SNX27: variants seen among roughly 807,000 people sequenced by gnomAD.
SNX27 encodes the protein sorting nexin 27.
Under a neutral mutation model 71.6 loss-of-function variants are expected in SNX27, and 22 were observed. The ratio of observed to expected loss-of-function variants is 0.31; its 90% confidence interval spans 0.22 to 0.44. The LOEUF is 0.44. SNX27 is among the 20% of genes least tolerant of loss of function. The pLI is 1.00. For missense variants in SNX27, 531 were observed against 698.6 expected (o/e 0.76, Z 2.70); for synonymous variants, 269 against 277.2 (o/e 0.97, Z 0.29).
intron 7 of SNX27, among the ~76,000 whole-genome samples, chr1:151,674,116 C>T (rs531295205): frequency 6.6e-6 from 1 of 151,820 alleles, no homozygotes; most frequent in South Asian, 2.1e-4. Context: ...TCATCTTTTC[C>T]TTCTTTCCTT....
Position 151,692,517 on chromosome 1 carries a change from A to G in SNX27, c.1322A>G (p.His441Arg), listed in dbSNP as rs1026271701. The G allele has an allele frequency of 6.3e-7, 1 of 1,586,290 alleles. No individual in the cohort carries two copies. Among genetic ancestry groups the G allele is most frequent in the Admixed American group, 1.7e-5 (1 of 57,540 alleles). Reference sequence around the variant, plus strand: ...GCCTGTGACTCCAGGAGGAAGGGGCACGTTATCACAGCCATCAGCATCACG... The same window carrying G: ...GCCTGTGACTCCAGGAGGAAGGGGCGCGTTATCACAGCCATCAGCATCACG... ...HCACDSRRKG[H>R]VITAISITHF... is the part of the protein sequence containing the mutation. Residue 441 changes from histidine (H) to arginine (R), a missense_variant, in exon 9 of 12, where the codon CAC (histidine) becomes CGC (arginine). His to Arg is a conservative substitution (Grantham distance 29, BLOSUM62 0). This residue lies in a region of SNX27 where 157 missense variants were observed against 178.4 expected (regional missense o/e 0.88). Coordinates refer to ENST00000458013, the MANE Select transcript of SNX27 (RefSeq NM_001330723.2).
In SNX27 at chr1:151,612,597, C is replaced by T. The variant is rs1465220023; in HGVS notation, c.311+85C>T. ...CTCGCTACCCTTGTCACCCCCAGGC[C>T]GCACCTCCCCCGAGCTCCGAGCCGG... On this transcript the variant is annotated intron_variant, in intron 1 of 11. Transcript: ENST00000458013. The surrounding 1 kb of genome is among the most constrained non-coding windows in gnomAD (Gnocchi z 5.2). The T allele has an allele frequency of 1.9e-6, 2 of 1,066,850 alleles. No individual in the cohort carries two copies. The highest frequency in any genetic ancestry group is 4.3e-5 in the Admixed American group (1 of 23,436). 66.1% of individuals were successfully genotyped at this position (1,066,850 alleles called of 1,614,324 possible).
rs930454772 is a variant in SNX27 at position 151,612,944 on chromosome 1, C to T, written c.311+432C>T. On this transcript the variant is annotated intron_variant, in intron 1 of 11. Coordinates refer to ENST00000458013, the MANE Select transcript of SNX27 (RefSeq NM_001330723.2). This position sits in a 1 kb window ranked among gnomAD's most constrained non-coding sequence, Gnocchi z 5.2. ...GTCCCCCCCAAGTTCTCATCTTCAGCATCGCAGTTTCGTTCTCCACCACTC... is the reference window on the plus strand; with the variant it reads ...GTCCCCCCCAAGTTCTCATCTTCAGTATCGCAGTTTCGTTCTCCACCACTC... 5.3e-5 allele frequency among the ~76,000 whole-genome samples: 8 copies of T among 152,002 alleles called. No individual in the cohort carries two copies. The highest frequency in any genetic ancestry group is 1.2e-4 in the Non-Finnish European group (8 of 68,018).
chr1:151,686,564 T>C (rs1186305878), intron 8 of SNX27, among the ~76,000 whole-genome samples: 1 of 152,248 alleles, frequency 6.6e-6, no homozygotes, highest in Non-Finnish European at 1.5e-5. Flanking sequence ...CCACATGATA[T>C]GATAGTCAGA....
At chr1:151,654,375 G>T (rs1022647244) in intron 2 of SNX27, among the ~76,000 whole-genome samples, 3 of 151,954 alleles carry the variant, frequency 2.0e-5, no homozygotes, top group Non-Finnish European at 4.4e-5. Flanking sequence ...AGCCAAACTC[G>T]GCCTTGTATC....
At chr1:151,625,908 A>G (rs1374649845) in intron 1 of SNX27, among the ~76,000 whole-genome samples, 2 of 151,968 alleles carry the variant, frequency 1.3e-5, no homozygotes, top group Non-Finnish European at 2.9e-5. Context: ...AGATCAGGCC[A>G]CTGCATTCCA....
rs138807566 is a variant in SNX27 at position 151,638,163 on chromosome 1, A to T, written c.312-725A>T. On this transcript the variant is annotated intron_variant, in intron 1 of 11. Coordinates refer to ENST00000458013, the MANE Select transcript of SNX27 (RefSeq NM_001330723.2). ...AAATTAGTAGGCTGACCATATAATT[A>T]TAGGTGTATATTTTTTAGTTTGGAC... Among the ~76,000 whole-genome samples, 76 of 152,364 alleles carry T rather than the reference A, an allele frequency of 5.0e-4. No homozygotes were observed. In the Middle Eastern group the frequency reaches 0.01, roughly 20 times the overall value.
In SNX27 at chr1:151,683,331, T is replaced by C. The variant is rs960945463; in HGVS notation, c.1150-25T>C. ...TAATAATGATTTTTACACTCCTTTCTGCTCTACTTCTGTTTTGGTGATAGG... is the reference window on the plus strand; with the variant it reads ...TAATAATGATTTTTACACTCCTTTCCGCTCTACTTCTGTTTTGGTGATAGG... On this transcript the variant is annotated intron_variant, in intron 7 of 11. Coordinates refer to ENST00000458013, the MANE Select transcript of SNX27 (RefSeq NM_001330723.2). 7.0e-6 allele frequency: 11 copies of C among 1,577,080 alleles called. No homozygotes were observed. In the African/African-American group the frequency reaches 1.2e-4, roughly 18 times the overall value.
At chr1:151,681,233 A>ATTTTTTTTTT (rs1558071789) in intron 7 of SNX27, among the ~76,000 whole-genome samples, 1 of 87,374 alleles carries the variant, frequency 1.1e-5, no homozygotes, top group Non-Finnish European at 2.2e-5. Flanking sequence ...TAGTCTCTCA[A>ATTTTTTTTTT]TCTTTTTTTT....
chr1:151,642,931 C>T (rs962843843), intron 2 of SNX27, among the ~76,000 whole-genome samples: 22 of 151,888 alleles, frequency 1.4e-4, no homozygotes, highest in African/African-American at 3.4e-4. Context: ...TGAGCCACCG[C>T]GCCCTGCCTA....
At chr1:151,622,913 C>T (rs2102601049) in intron 1 of SNX27, among the ~76,000 whole-genome samples, 1 of 152,080 alleles carries the variant, frequency 6.6e-6, no homozygotes, top group East Asian at 1.9e-4. Flanking sequence ...CTCAGCCTCC[C>T]AAGTAGCTGG....
intron 2 of SNX27, among the ~76,000 whole-genome samples, chr1:151,645,595 A>AT (rs1428121177): frequency 6.6e-6 from 1 of 152,208 alleles, no homozygotes; most frequent in African/African-American, 2.4e-5. Context: ...TCTGAGATAC[A>AT]TGTGGTGTTT....
In SNX27 at chr1:151,692,998, G is replaced by A; in HGVS notation, c.1477G>A (p.Gly493Arg). 1 of 1,614,190 alleles carries A rather than the reference G, an allele frequency of 6.2e-7. No individual in the cohort carries two copies. The highest frequency in any genetic ancestry group is 8.5e-7 in the Non-Finnish European group (1 of 1,180,026). Residue 493 changes from glycine to arginine, a missense_variant, in exon 10 of 12, where the codon GGA becomes AGA. This residue lies in a region of SNX27 where 157 missense variants were observed against 178.4 expected (regional missense o/e 0.88). Coordinates refer to ENST00000458013, the MANE Select transcript of SNX27 (RefSeq NM_001330723.2). ...GGCCTTCTGTTTCGAATATGCACGA[G>A]GAGAGAAGAAGCCCCGATGGGTTAA... ...GMAFCFEYAR[G>R]EKKPRWVKIF...
chr1:151,681,644 T>C (rs1220880456), intron 7 of SNX27, among the ~76,000 whole-genome samples: 2 of 152,196 alleles, frequency 1.3e-5, no homozygotes, highest in Admixed American at 1.3e-4. Context: ...TTGATCTTCC[T>C]TATTTCATTC....
intron 1 of SNX27, among the ~76,000 whole-genome samples, chr1:151,633,217 A>G (rs1163720848): frequency 2.0e-5 from 3 of 152,184 alleles, no homozygotes; most frequent in Non-Finnish European, 4.4e-5. Flanking sequence ...AAATGCACAC[A>G]TATGAAGCAT....
At chr1:151,654,132 A>G (rs1669567862) in intron 2 of SNX27, among the ~76,000 whole-genome samples, 1 of 151,910 alleles carries the variant, frequency 6.6e-6, no homozygotes, top group Non-Finnish European at 1.5e-5. Context: ...TGCCCGGCCG[A>G]CCCTGGAGGG....
chr1:151,670,272 A>C (rs745672700), intron 7 of SNX27, among the ~76,000 whole-genome samples: 3 of 152,218 alleles, frequency 2.0e-5, no homozygotes, highest in Non-Finnish European at 4.4e-5. Flanking sequence ...TGTAAGTACC[A>C]CATTTTCTTT....
Position 151,658,367 on chromosome 1 carries a change from T to A in SNX27, c.676T>A (p.Ser226Thr), listed in dbSNP as rs748735835. The A allele has an allele frequency of 8.7e-6, 14 of 1,614,022 alleles. No individual in the cohort carries two copies. The African/African-American group carries it at 1.6e-4, about 18-fold the overall frequency. The change falls in exon 3 of 12, where the codon TCA becomes ACA. Residue 226 changes from serine (S) to threonine (T), a missense_variant. By Grantham distance (58) the Ser-to-Thr change is moderately conservative (BLOSUM62 1). Around this residue, in one of 5 missense-constraint regions of SNX27, gnomAD observed 184 missense variants for 289.6 expected, o/e 0.64. Transcript: ENST00000458013. ...TCGACTCCCAGGGAAGTGGCCATTT[T>A]CATTATCAGAACAACAATTAGATGC... ...FPRLPGKWPF[S>T]LSEQQLDARR...
chr1:151,669,661 C>T (rs1670372283), intron 7 of SNX27, among the ~76,000 whole-genome samples: 1 of 152,154 alleles, frequency 6.6e-6, no homozygotes, highest in African/African-American at 2.4e-5. Flanking sequence ...TGTGAGAGTA[C>T]ATTGTTTGTT....
Sources: gnomAD v4.1 joint callset for allele counts (sites outside exome capture counted in the v4.1 genomes callset) on GRCh38, gnomAD v4.1.1 for gene constraint, gnomAD v4.1.1 regional missense constraint, Gnocchi (gnomAD v3.1) non-coding constraint, MANE v1.5 for transcripts, NCBI Gene and HGNC (gene_info 2026-07-23, HGNC 2026-07-21) for gene names.